Variants in CDH13 observed in about 807,000 individuals in gnomAD.
The protein encoded by CDH13 is cadherin-13.
In CDH13, 24 loss-of-function variants were observed where a neutral mutation model predicts 63.8. The ratio of observed to expected loss-of-function variants is 0.38; its 90% CI spans 0.27 to 0.53. The LOEUF is 0.53. Among genes scored for constraint, CDH13 ranks in the 20% least tolerant of loss-of-function variants. CDH13 has a pLI of 0.85. For missense variants in CDH13, 1,049 were observed against 903.1 expected, an observed-to-expected ratio of 1.16 and a Z score of -2.07; for synonymous variants, 503 against 355.3, an observed-to-expected ratio of 1.42 and a Z score of -4.67.
chr16:83,214,716 G>A (rs1216821122), intron 4 of CDH13, among the ~76,000 whole-genome samples: 2 of 151,682 alleles, frequency 1.3e-5, no homozygotes, highest in Non-Finnish European at 2.9e-5. Context: ...GATTAACTGA[G>A]CTCCTTCTGT....
chr16:82,711,894 T>C (rs1158218532), intron 1 of CDH13, among the ~76,000 whole-genome samples: 2 of 152,202 alleles, frequency 1.3e-5, no homozygotes, highest in Admixed American at 1.3e-4. Flanking sequence ...CATTTAACAG[T>C]TGGAGAAAAT....
chr16:83,725,982 G>C (rs1910336097), intron 10 of CDH13: 1 of 152,352 alleles, frequency 6.6e-6, no homozygotes, highest in East Asian at 1.9e-4. Context: ...TTTGAAGTCA[G>C]ACTGAGCGAT....
intron 1 of CDH13, among the ~76,000 whole-genome samples, chr16:82,815,777 T>C (rs1172858436): frequency 6.6e-6 from 1 of 152,146 alleles, no homozygotes; most frequent in African/African-American, 2.4e-5. Flanking sequence ...TACTGTGAGG[T>C]CTCAACAGCT....
At chr16:82,836,169 C>T (rs1348001125) in intron 1 of CDH13, among the ~76,000 whole-genome samples, 1 of 152,060 alleles carries the variant, frequency 6.6e-6, no homozygotes, top group Non-Finnish European at 1.5e-5. Context: ...TCTTGTTGCC[C>T]AGACTGGAGT....
At chr16:83,009,377 C>G (rs77043992) in intron 2 of CDH13, among the ~76,000 whole-genome samples, 1,718 of 152,312 alleles carry the variant, frequency 0.011, 42 homozygotes, top group African/African-American at 0.04. Flanking sequence ...GAGCAGTGAA[C>G]TGTGGTTGAG....
chr16:83,495,176 C>G (rs1478514514), intron 7 of CDH13, among the ~76,000 whole-genome samples: 2 of 152,036 alleles, frequency 1.3e-5, no homozygotes, highest in Non-Finnish European at 2.9e-5. Flanking sequence ...GAACATATGC[C>G]CAAGGTGGTC....
At chr16:83,432,353 T>C (rs1227472612) in intron 6 of CDH13, among the ~76,000 whole-genome samples, 1 of 152,186 alleles carries the variant, frequency 6.6e-6, no homozygotes, top group Non-Finnish European at 1.5e-5. Flanking sequence ...TCCTATAATC[T>C]ACCCCAATGG....
rs1479531169 is a variant in CDH13 at position 83,355,616 on chromosome 16, T to C, written c.781+10610T>C. On this transcript the variant is annotated intron_variant, in intron 6 of 13. Transcript: ENST00000567109. ...TATTTATTGAAAATGTATTCATTCT[T>C]TCAACAAATACCTTTAGAGTACCTG... Among the ~76,000 whole-genome samples, 3 of 152,338 alleles carry C rather than the reference T, an allele frequency of 2.0e-5. No individual in the cohort carries two copies. The East Asian group carries it at 5.8e-4, about 29-fold the overall frequency.
At chr16:83,732,305 G>A (rs1338233075) in intron 10 of CDH13, among the ~76,000 whole-genome samples, 1 of 152,160 alleles carries the variant, frequency 6.6e-6, no homozygotes, top group African/African-American at 2.4e-5. Flanking sequence ...GTGATCTGAA[G>A]AGTGATAATG....
intron 4 of CDH13, among the ~76,000 whole-genome samples, chr16:83,145,295 C>T (rs569985250): frequency 5.6e-4 from 85 of 152,296 alleles, no homozygotes; most frequent in Non-Finnish European, 1.1e-3. Flanking sequence ...GCTTGGGCAG[C>T]AGCAGCACTT....
intron 13 of CDH13, among the ~76,000 whole-genome samples, chr16:83,793,486 C>T (rs1916406571): frequency 1.3e-5 from 2 of 152,180 alleles, no homozygotes; most frequent in Non-Finnish European, 2.9e-5. Context: ...GCTGATGTCT[C>T]TTTCTGTGAA....
At chr16:83,580,328 G>A (rs1032976103) in intron 7 of CDH13, among the ~76,000 whole-genome samples, 1 of 152,098 alleles carries the variant, frequency 6.6e-6, no homozygotes, top group Non-Finnish European at 1.5e-5. Flanking sequence ...AGACAGGTGT[G>A]AGCAAATTAA....
intron 4 of CDH13, among the ~76,000 whole-genome samples, chr16:83,157,707 A>G (rs1478634617): frequency 1.3e-5 from 2 of 150,656 alleles, no homozygotes; most frequent in Admixed American, 6.6e-5. Flanking sequence ...ATCCGGGCTA[A>G]CAGGGTGAAA....
chr16:83,299,904 T>C (rs1245969167), intron 5 of CDH13, among the ~76,000 whole-genome samples: 1 of 152,222 alleles, frequency 6.6e-6, no homozygotes, highest in Non-Finnish European at 1.5e-5. Context: ...GTAATCACGA[T>C]GCTGACCAGG....
At chr16:83,456,653 T>C (rs1465938996) in intron 6 of CDH13, among the ~76,000 whole-genome samples, 1 of 152,114 alleles carries the variant, frequency 6.6e-6, no homozygotes, top group Non-Finnish European at 1.5e-5. Context: ...CAGTGAATGA[T>C]GTGTTGCATC....
At chr16:82,773,985 A>C (rs984899791) in intron 1 of CDH13, among the ~76,000 whole-genome samples, 3 of 152,034 alleles carry the variant, frequency 2.0e-5, no homozygotes, top group Admixed American at 6.6e-5. Context: ...GGGTTTCACT[A>C]TGTTGGCCAG....
chr16:83,757,046 C>T (rs970033665), intron 11 of CDH13, among the ~76,000 whole-genome samples: 1 of 152,118 alleles, frequency 6.6e-6, no homozygotes, highest in Non-Finnish European at 1.5e-5. Context: ...GTCTAACAAA[C>T]GTTTTTAACT....
intron 4 of CDH13, among the ~76,000 whole-genome samples, chr16:83,198,755 C>G (rs1437323301): frequency 6.6e-6 from 1 of 152,084 alleles, no homozygotes; most frequent in East Asian, 1.9e-4. Flanking sequence ...ATAAAAGATT[C>G]AACTCCTGCT....
At chr16:82,664,016 G>A (rs1467829183) in intron 1 of CDH13, among the ~76,000 whole-genome samples, 1 of 152,178 alleles carries the variant, frequency 6.6e-6, no homozygotes, top group Non-Finnish European at 1.5e-5. Context: ...TTGTAGCTGT[G>A]GACCACGAGG....
Sources: gnomAD v4.1 joint callset for allele counts (sites outside exome capture counted in the v4.1 genomes callset) on GRCh38, gnomAD v4.1.1 for gene constraint, MANE v1.5 for transcripts, NCBI Gene and HGNC (gene_info 2026-07-23, HGNC 2026-07-21) for gene names.